The following TESK2 variants were observed in gnomAD, a reference collection of about 807,000 sequenced individuals.
TESK2 encodes the protein testis associated actin remodelling kinase 2, also known as dual specificity testis-specific protein kinase 2.
Under a neutral mutation model 57.1 loss-of-function variants are expected in TESK2, and 39 were observed. The observed-to-expected ratio is 0.68, with a 90% CI of 0.53 to 0.89. TESK2 has a LOEUF of 0.89. Among genes scored for constraint, TESK2 ranks in the 40% least tolerant of loss-of-function variants. The probability of loss-of-function intolerance (pLI) is 0.00; values close to 1 mark genes in which losing one functional copy is unlikely to be tolerated. For missense variants in TESK2, 646 were observed against 732.1 expected (o/e 0.88, Z 1.36); for synonymous variants, 249 against 267.9 (o/e 0.93, Z 0.69).
chr1:45,398,348 C>A (rs1649448597), intron 3 of TESK2, among the ~76,000 whole-genome samples: 1 of 152,018 alleles, frequency 6.6e-6, no homozygotes, highest in East Asian at 1.9e-4. Flanking sequence ...TCAAGACCAG[C>A]CTGGCCAACA....
At chr1:45,429,790 G>A (rs561328058) in intron 2 of TESK2, among the ~76,000 whole-genome samples, 4 of 152,170 alleles carry the variant, frequency 2.6e-5, no homozygotes, top group Middle Eastern at 6.8e-3. Flanking sequence ...AAGTCCCTCC[G>A]CTTTAACTCT....
intron 2 of TESK2, among the ~76,000 whole-genome samples, chr1:45,445,624 CAA>C (rs747691865): frequency 0.39 from 41,590 of 107,420 alleles, 7,296 homozygotes; most frequent in African/African-American, 0.51. Context: ...CTGTCTCTAC[CAA>C]AAAAAAAAAA....
chr1:45,371,001 AC>A (rs1557546676), intron 4 of TESK2, among the ~76,000 whole-genome samples: 2 of 152,172 alleles, frequency 1.3e-5, no homozygotes, highest in African/African-American at 4.8e-5. Context: ...CTGGGAAAGG[AC>A]AGTCTTTGCA....
chr1:45,361,459 C>T (rs2149267180), intron 4 of TESK2, among the ~76,000 whole-genome samples: 1 of 152,242 alleles, frequency 6.6e-6, no homozygotes, highest in Admixed American at 6.5e-5. Context: ...GTTATAGATA[C>T]TTCAATACCT....
chr1:45,461,245 G>A (rs1652318556), intron 1 of TESK2, among the ~76,000 whole-genome samples: 1 of 151,772 alleles, frequency 6.6e-6, no homozygotes, highest in Non-Finnish European at 1.5e-5. Flanking sequence ...GCTCACACCT[G>A]TAATCCCAGC....
chr1:45,385,465 G>T, intron 4 of TESK2: 1 of 384,374 alleles, frequency 2.6e-6, no homozygotes, highest in Non-Finnish European at 3.6e-6. Context: ...TCTAGATCAG[G>T]ACAGCAAACA....
intron 1 of TESK2, among the ~76,000 whole-genome samples, chr1:45,473,149 C>CA (rs142807091): frequency 0.27 from 26,252 of 96,674 alleles, 3,002 homozygotes; most frequent in Non-Finnish European, 0.33. Context: ...GACTCCGTCT[C>CA]AAAAAAAAAA....
intron 3 of TESK2, among the ~76,000 whole-genome samples, chr1:45,394,189 G>A (rs1242054535): frequency 2.0e-5 from 3 of 151,852 alleles, no homozygotes; most frequent in Admixed American, 6.6e-5. Flanking sequence ...CGCCCAGTCT[G>A]GAGTGCGGTG....
chr1:45,398,000 T>G (rs1054909355), intron 3 of TESK2, among the ~76,000 whole-genome samples: 1 of 152,170 alleles, frequency 6.6e-6, no homozygotes, highest in Admixed American at 6.6e-5. Context: ...CTTGAACTCA[T>G]GGGCTCACAC....
chr1:45,475,790 C>T (rs1652965416), intron 1 of TESK2, among the ~76,000 whole-genome samples: 1 of 152,142 alleles, frequency 6.6e-6, no homozygotes, highest in African/African-American at 2.4e-5. Context: ...ATAAAGCAGG[C>T]AGAAGATGGA....
chr1:45,468,627 T>C (rs888144116), intron 1 of TESK2, among the ~76,000 whole-genome samples: 2 of 152,214 alleles, frequency 1.3e-5, no homozygotes, highest in African/African-American at 4.8e-5. Context: ...CTTGGTCTTA[T>C]ATATTGAGTA....
At chr1:45,403,017 C>A in intron 3 of TESK2, among the ~76,000 whole-genome samples, 1 of 151,824 alleles carries the variant, frequency 6.6e-6, no homozygotes, top group East Asian at 1.9e-4. Context: ...GGTACAGCAG[C>A]TCACACCTGT....
At chr1:45,487,077 C>A (rs1404891011) in intron 1 of TESK2, among the ~76,000 whole-genome samples, 1 of 152,088 alleles carries the variant, frequency 6.6e-6, no homozygotes, top group East Asian at 1.9e-4. Context: ...GATCCACCCG[C>A]CTTGGCCTCC....
At chr1:45,454,908 T>C (rs1652012662) in intron 2 of TESK2, among the ~76,000 whole-genome samples, 1 of 152,118 alleles carries the variant, frequency 6.6e-6, no homozygotes, top group Admixed American at 6.5e-5. Flanking sequence ...GGATAAATAT[T>C]ATATTAACCC....
intron 2 of TESK2, among the ~76,000 whole-genome samples, chr1:45,452,032 C>CAAAAAAAAAAAAAAAAAAATAA (rs566363776): frequency 9.6e-6 from 1 of 103,872 alleles, no homozygotes; most frequent in Admixed American, 9.6e-5. Flanking sequence ...GACTCCGTCT[C>CAAAAAAAAAAAAAAAAAAATAA]AAAAAAAAAA....
intron 4 of TESK2, among the ~76,000 whole-genome samples, chr1:45,370,124 A>G (rs1648114899): frequency 1.3e-5 from 2 of 152,224 alleles, no homozygotes; most frequent in South Asian, 4.1e-4. Flanking sequence ...TAAGAAATCC[A>G]GTTTGCCTGA....
rs150074205 is a variant in TESK2, at chr1:45,368,624, C to T, written c.394-13175G>A. Among the ~76,000 whole-genome samples, 245 of 152,192 alleles carry T rather than the reference C, an allele frequency of 1.6e-3. 3 individuals carry two copies. The East Asian group carries it at 0.017, about 11-fold the overall frequency. ...TCCTGACCTCAGGTGATCCACCTGC[C>T]TCGGCCTCCCAAAGTGCTGAGATTA... is the stretch of plus-strand genomic sequence containing the variant. On this transcript the variant is annotated intron_variant, in intron 4 of 10. Transcript: ENST00000372086.
At chr1:45,370,973 G>T (rs1254228101) in intron 4 of TESK2, among the ~76,000 whole-genome samples, 1 of 151,596 alleles carries the variant, frequency 6.6e-6, no homozygotes, top group African/African-American at 2.4e-5. Context: ...AGAGAGCCCA[G>T]AAATAAACAC....
At chr1:45,399,565 T>C (rs911814494) in intron 3 of TESK2, among the ~76,000 whole-genome samples, 2 of 152,218 alleles carry the variant, frequency 1.3e-5, no homozygotes, top group Non-Finnish European at 2.9e-5. Flanking sequence ...TCCGCCCGCC[T>C]TGGCCTCCCA....
Sources: gnomAD v4.1 joint callset for allele counts (sites outside exome capture counted in the v4.1 genomes callset) on GRCh38, gnomAD v4.1.1 for gene constraint, MANE v1.5 for transcripts, NCBI Gene and HGNC (gene_info 2026-07-23, HGNC 2026-07-21) for gene names.